ABCA12: variants seen among roughly 807,000 people sequenced by gnomAD.
ABCA12 encodes the protein glucosylceramide transporter ABCA12.
A neutral mutation model predicts 293.5 loss-of-function variants in ABCA12; 156 were observed. The ratio of observed to expected loss-of-function variants is 0.53; its 90% CI spans 0.47 to 0.61. The LOEUF (loss-of-function observed/expected upper bound fraction) is 0.61. Among genes scored for constraint, ABCA12 ranks in the 20% least tolerant of loss-of-function variants. The pLI is 0.00. For synonymous variants in ABCA12, 1,063 were observed against 1,108.0 expected (o/e 0.96, Z 0.81); for missense variants, 2,797 against 3,090.2 (o/e 0.91, Z 2.25).
chr2:214,975,262 C>G (rs1314883302), intron 34 of ABCA12, among the ~76,000 whole-genome samples: 1 of 152,154 alleles, frequency 6.6e-6, no homozygotes, highest in Non-Finnish European at 1.5e-5. Flanking sequence ...CGGCACTCAG[C>G]CTAGGACTGT....
chr2:215,137,993 A>G (rs1575068482), intron 1 of ABCA12, 147 bp downstream of exon 1: 2 of 856,092 alleles, frequency 2.3e-6, no homozygotes, highest in East Asian at 4.9e-5. Flanking sequence ...TATAAGACAG[A>G]TAGGGGGATG....
chr2:215,099,129 G>T (rs1023194359), intron 2 of ABCA12, among the ~76,000 whole-genome samples: 72 of 152,356 alleles, frequency 4.7e-4, no homozygotes, highest in African/African-American at 1.7e-3. Context: ...ACAGAAAAAG[G>T]ATAGTTTCTG....
At chr2:215,081,657 C>T (rs1463927274) in intron 2 of ABCA12, among the ~76,000 whole-genome samples, 1 of 152,038 alleles carries the variant, frequency 6.6e-6, no homozygotes, top group African/African-American at 2.4e-5. Context: ...TGCTCTGATA[C>T]ATACTACTTT....
At chr2:214,969,339 C>T (rs1167623539) in intron 37 of ABCA12, among the ~76,000 whole-genome samples, 10 of 151,842 alleles carry the variant, frequency 6.6e-5, no homozygotes, top group Non-Finnish European at 1.2e-4. Flanking sequence ...GGTATAAAAA[C>T]GAAAAGTTGA....
chr2:214,996,766 T>C (rs756042251), intron 23 of ABCA12, among the ~76,000 whole-genome samples: 1 of 152,166 alleles, frequency 6.6e-6, no homozygotes, highest in Non-Finnish European at 1.5e-5. Context: ...AGCAGCAACT[T>C]GTATCTTATA....
chr2:215,024,228 C>G (rs1700691976), intron 11 of ABCA12, among the ~76,000 whole-genome samples: 1 of 152,336 alleles, frequency 6.6e-6, no homozygotes, highest in East Asian at 1.9e-4. Context: ...ACAGAAGCCT[C>G]TATCCACCTA....
chr2:214,938,946 A>G (rs1443324239), intron 50 of ABCA12, among the ~76,000 whole-genome samples: 1 of 152,034 alleles, frequency 6.6e-6, no homozygotes, highest in Non-Finnish European at 1.5e-5. Context: ...TGCTGTGCAG[A>G]AGTTCTTTAG....
At chr2:214,980,263 C>A (rs1699617105) in intron 31 of ABCA12, among the ~76,000 whole-genome samples, 1 of 152,078 alleles carries the variant, frequency 6.6e-6, no homozygotes, top group Non-Finnish European at 1.5e-5. Context: ...TTCTGCACTC[C>A]CATCCCAGAC....
At chr2:215,128,174 T>C (rs1702968603) in intron 1 of ABCA12, among the ~76,000 whole-genome samples, 1 of 152,228 alleles carries the variant, frequency 6.6e-6, no homozygotes, top group Non-Finnish European at 1.5e-5. Context: ...CTGCTGTTGA[T>C]CTGGTAAGTT....
intron 1 of ABCA12, among the ~76,000 whole-genome samples, chr2:215,126,289 T>C (rs1238388365): frequency 6.6e-6 from 1 of 152,148 alleles, no homozygotes; most frequent in Non-Finnish European, 1.5e-5. Flanking sequence ...GGTTTTGGTA[T>C]TAAGATGATG....
intron 38 of ABCA12, among the ~76,000 whole-genome samples, chr2:214,967,787 C>T (rs16853012): frequency 0.12 from 18,804 of 152,088 alleles, 1,708 homozygotes; most frequent in African/African-American, 0.25. Flanking sequence ...AGATGATACT[C>T]GTGGTTGGCA....
At position 214,948,738 on chromosome 2, in the gene ABCA12, C is replaced by A. The variant is rs1698659237; in HGVS notation, c.6963-1G>T. 4 of 1,613,990 alleles carry A rather than the reference C, an allele frequency of 2.5e-6. No homozygotes were observed. The highest frequency in any genetic ancestry group is 3.4e-6 in the Non-Finnish European group (4 of 1,179,974). On this transcript the variant is annotated splice_acceptor_variant, in intron 46 of 52. Coordinates refer to ENST00000272895, the MANE Select transcript of ABCA12 (RefSeq NM_173076.3). LOFTEE classifies it high-confidence loss of function. ...GTGAGAATCAACGTGACCCAGAGAT[C>A]TGAATTGAGAGAATCAAAAACACAG...
intron 36 of ABCA12, among the ~76,000 whole-genome samples, chr2:214,972,529 C>T (rs1242579805): frequency 6.6e-6 from 1 of 152,008 alleles, no homozygotes; most frequent in Admixed American, 6.5e-5. Flanking sequence ...ACTTCAGCCC[C>T]ACCAAGTAGC....
intron 1 of ABCA12, among the ~76,000 whole-genome samples, chr2:215,112,533 C>G (rs1433781256): frequency 2.8e-5 from 4 of 143,644 alleles, no homozygotes; most frequent in Non-Finnish European, 4.5e-5. Flanking sequence ...GAGTCTTGCT[C>G]TGTCACCCAG....
At chr2:215,040,509 G>A (rs1287161515) in intron 7 of ABCA12, among the ~76,000 whole-genome samples, 1 of 152,082 alleles carries the variant, frequency 6.6e-6, no homozygotes, top group Admixed American at 6.5e-5. Context: ...CATGCTATTG[G>A]TGAGAATACA....
chr2:214,941,426 T>C (rs1698397598), intron 50 of ABCA12, among the ~76,000 whole-genome samples: 1 of 152,238 alleles, frequency 6.6e-6, no homozygotes, highest in Admixed American at 6.5e-5. Flanking sequence ...GTATATTCTG[T>C]TGATTTCGGG....
chr2:214,992,442 CAAA>C (rs1559135226), intron 23 of ABCA12, among the ~76,000 whole-genome samples: 2 of 8,114 alleles, frequency 2.5e-4, no homozygotes, highest in Admixed American at 2.6e-3. Flanking sequence ...GACTCTGTCT[CAAA>C]AAGAAAAAAA....
intron 1 of ABCA12, among the ~76,000 whole-genome samples, chr2:215,132,566 GC>G (rs1236464382): frequency 2.0e-5 from 3 of 151,336 alleles, no homozygotes; most frequent in African/African-American, 7.3e-5. Flanking sequence ...ATTCCTGCTT[GC>G]TTTTCTTTTC....
At chr2:214,961,463 A>C (rs1418866682) in intron 39 of ABCA12, among the ~76,000 whole-genome samples, 1 of 152,126 alleles carries the variant, frequency 6.6e-6, no homozygotes, top group Non-Finnish European at 1.5e-5. Flanking sequence ...CCTTAGTCTA[A>C]ATAAAGAGCA....
Sources: gnomAD v4.1 joint callset for allele counts (sites outside exome capture counted in the v4.1 genomes callset) on GRCh38, gnomAD v4.1.1 for gene constraint, MANE v1.5 for transcripts, NCBI Gene and HGNC (gene_info 2026-07-23, HGNC 2026-07-21) for gene names.